ANKRD30BL: variants seen among roughly 807,000 people sequenced by gnomAD.
ANKRD30BL encodes putative ankyrin repeat domain-containing protein 30B-like.
In ANKRD30BL, 20 loss-of-function variants were observed where a neutral mutation model predicts 18.4. The ratio of observed to expected loss-of-function variants is 1.09; its 90% CI spans 0.77 to 1.58. The LOEUF (loss-of-function observed/expected upper bound fraction) is 1.58, where lower values mean the gene tolerates loss of function less well. Among genes scored for constraint, ANKRD30BL ranks in the 40% most tolerant of loss-of-function variants. The pLI, the probability that ANKRD30BL is intolerant of heterozygous loss-of-function variation, is 0.00. For synonymous variants in ANKRD30BL, 72 were observed against 100.9 expected (o/e 0.71, Z 1.72); for missense variants, 224 against 268.6 (o/e 0.83, Z 1.16).
intron 1 of ANKRD30BL, among the ~76,000 whole-genome samples, chr2:132,209,760 T>C (rs1679294530): frequency 6.6e-6 from 1 of 152,110 alleles, no homozygotes; most frequent in African/African-American, 2.4e-5. Context: ...TAGTTGAAGA[T>C]TTCTTTTGAT....
chr2:132,159,381 A>T (rs1356374785), intron 1 of ANKRD30BL, among the ~76,000 whole-genome samples: 1 of 152,170 alleles, frequency 6.6e-6, no homozygotes, highest in African/African-American at 2.4e-5. Context: ...CAGCAGTATA[A>T]ATATCACTGC....
At chr2:132,210,874 G>C (rs1293495082) in intron 1 of ANKRD30BL, among the ~76,000 whole-genome samples, 8 of 129,584 alleles carry the variant, frequency 6.2e-5, no homozygotes, top group Non-Finnish European at 8.5e-5. Context: ...GGTGGAAAGG[G>C]AAATATCTTC....
At chr2:132,184,185 T>G (rs1688523844) in intron 1 of ANKRD30BL, among the ~76,000 whole-genome samples, 1 of 152,090 alleles carries the variant, frequency 6.6e-6, no homozygotes, top group African/African-American at 2.4e-5. Flanking sequence ...CTATTCTCCT[T>G]CCTTAGCCTC....
intron 1 of ANKRD30BL, among the ~76,000 whole-genome samples, chr2:132,232,017 G>A (rs181601012): frequency 9.2e-5 from 14 of 152,292 alleles, no homozygotes; most frequent in Admixed American, 3.9e-4. Context: ...CATCAAGTGG[G>A]TCCCTGACCC....
chr2:132,222,832 TAAAAAAAA>T (rs71001178), intron 1 of ANKRD30BL, among the ~76,000 whole-genome samples: 5 of 52,814 alleles, frequency 9.5e-5, no homozygotes, highest in Non-Finnish European at 1.1e-4. Context: ...GAATGATCAA[TAAAAAAAA>T]AAAAAAAAAA....
rs1184537197 is a variant in ANKRD30BL, at chr2:132,202,308, T to C, written n.442-45162A>G. The stretch of plus-strand genomic sequence containing the variant: ...AAGTATAATAATAAACATAAAAAAG[T>C]ACATCACCAAAAAAATAAATAAATA... On this transcript the variant is annotated intron_variant and non_coding_transcript_variant, in intron 1 of 4. Transcript: ENST00000470729. 3.3e-5 allele frequency among the ~76,000 whole-genome samples: 5 copies of C among 151,888 alleles called. No individual in the cohort carries two copies. In the East Asian group the frequency reaches 5.8e-4, roughly 18 times the overall value.
At chr2:132,225,662 C>G (rs544739084) in intron 1 of ANKRD30BL, among the ~76,000 whole-genome samples, 1 of 152,114 alleles carries the variant, frequency 6.6e-6, no homozygotes, top group South Asian at 2.1e-4. Flanking sequence ...ATGGGAATAT[C>G]TTCACATAAA....
intron 1 of ANKRD30BL, among the ~76,000 whole-genome samples, chr2:132,230,635 C>T (rs547959933): frequency 0.016 from 2,406 of 151,948 alleles, 59 homozygotes; most frequent in African/African-American, 0.055. Context: ...TCATTGGAAA[C>T]GGGAATAACT....
At chr2:132,236,813 G>A (rs1680163549) in intron 1 of ANKRD30BL, among the ~76,000 whole-genome samples, 2 of 151,816 alleles carry the variant, frequency 1.3e-5, no homozygotes, top group South Asian at 4.2e-4. Flanking sequence ...CTGCTATAAA[G>A]ACACATGCAC....
chr2:132,168,726 C>G (rs1157542752), intron 1 of ANKRD30BL, among the ~76,000 whole-genome samples: 6 of 151,994 alleles, frequency 3.9e-5, no homozygotes, highest in Admixed American at 2.0e-4. Context: ...TATTTCCATA[C>G]AAGCACACAT....
intron 1 of ANKRD30BL, among the ~76,000 whole-genome samples, chr2:132,239,517 T>C (rs1423854516): frequency 6.6e-6 from 1 of 152,126 alleles, no homozygotes; most frequent in Non-Finnish European, 1.5e-5. Context: ...CTGTGATGTG[T>C]GTACTCAACT....
intron 1 of ANKRD30BL, among the ~76,000 whole-genome samples, chr2:132,172,333 C>T (rs2104941827): frequency 6.6e-6 from 1 of 151,458 alleles, no homozygotes; most frequent in Middle Eastern, 3.4e-3. Context: ...TTTACATTCC[C>T]ACCAGCAATG....
At chr2:132,232,060 C>T (rs937779218) in intron 1 of ANKRD30BL, among the ~76,000 whole-genome samples, 5 of 152,296 alleles carry the variant, frequency 3.3e-5, no homozygotes, top group African/African-American at 1.2e-4. Context: ...GGGAGGCACT[C>T]CCCAGCAGGG....
At chr2:132,197,247 C>G (rs1479199296) in intron 1 of ANKRD30BL, among the ~76,000 whole-genome samples, 1 of 152,136 alleles carries the variant, frequency 6.6e-6, no homozygotes, top group Non-Finnish European at 1.5e-5. Flanking sequence ...AAAATGAATC[C>G]ATATCCAGAC....
chr2:132,149,740 C>T (rs933317064), intron 5 of ANKRD30BL, among the ~76,000 whole-genome samples: 2 of 152,292 alleles, frequency 1.3e-5, no homozygotes, highest in South Asian at 2.1e-4. Flanking sequence ...TTTCCTTTGC[C>T]ACTGCAAGAT....
In ANKRD30BL at chr2:132,236,356, C is replaced by T. The variant is rs1331076283; in HGVS notation, n.441+21173G>A. Among the ~76,000 whole-genome samples the T allele has an allele frequency of 3.3e-5, 5 of 151,236 alleles. 1 individual carries two copies. Among genetic ancestry groups the T allele is most frequent in the Admixed American group, 2.6e-4 (4 of 15,114 alleles). ...TGACAAATGGGATCTAATGGGAGAA[C>T]ATTTTTGCAACCTACTCATCTGACA... On this transcript the variant is annotated intron_variant and non_coding_transcript_variant, in intron 1 of 4. Coordinates refer to the ANKRD30BL transcript ENST00000470729.
In ANKRD30BL at chr2:132,208,463, A is replaced by T. The variant is rs184612126; in HGVS notation, n.441+49066T>A. 2.2e-3 allele frequency among the ~76,000 whole-genome samples: 328 copies of T among 152,194 alleles called. 1 individual carries two copies. The highest frequency in any genetic ancestry group is 7.4e-3 in the African/African-American group (309 of 41,544). Reference sequence around the variant, plus strand: ...TGCTATTTTTCTCTGGAGCATATCAACCGGATGCTGTCCATGTATTCCATA... The same window carrying T: ...TGCTATTTTTCTCTGGAGCATATCATCCGGATGCTGTCCATGTATTCCATA... On this transcript the variant is annotated intron_variant and non_coding_transcript_variant, in intron 1 of 4. Coordinates refer to the ANKRD30BL transcript ENST00000470729.
chr2:132,202,486 C>G (rs1302650416), intron 1 of ANKRD30BL, among the ~76,000 whole-genome samples: 1 of 150,170 alleles, frequency 6.7e-6, no homozygotes, highest in Non-Finnish European at 1.5e-5. Flanking sequence ...TTTAAAAAAT[C>G]AAGTAATTTT....
chr2:132,219,965 G>T (rs1293387788), intron 1 of ANKRD30BL, among the ~76,000 whole-genome samples: 3 of 151,712 alleles, frequency 2.0e-5, no homozygotes, highest in Non-Finnish European at 2.9e-5. Context: ...CATTTGGAGC[G>T]CCTTGAGGCC....
Sources: gnomAD v4.1 joint callset for allele counts (sites outside exome capture counted in the v4.1 genomes callset) on GRCh38, gnomAD v4.1.1 for gene constraint, MANE v1.5 for transcripts, NCBI Gene and HGNC (gene_info 2026-07-23, HGNC 2026-07-21) for gene names.